Variants in CADM2 observed in about 807,000 individuals in gnomAD.
CADM2 encodes cell adhesion molecule 2, also known as immunoglobulin superfamily member 4D.
A neutral mutation model predicts 49.8 loss-of-function variants in CADM2; 12 were observed. The observed-to-expected ratio is 0.24, with a 90% CI of 0.15 to 0.39. The LOEUF (loss-of-function observed/expected upper bound fraction) is 0.39, where lower values mean the gene tolerates loss of function less well. Among genes scored for constraint, CADM2 ranks in the 10% least tolerant of loss-of-function variants. The pLI is 1.00. For synonymous variants in CADM2, 214 were observed against 175.4 expected (o/e 1.22, Z -1.74); for missense variants, 378 against 492.3 (o/e 0.77, Z 2.20).
intron 8 of CADM2, among the ~76,000 whole-genome samples, chr3:86,024,685 T>C (rs2325005): frequency 0.7 from 106,117 of 151,988 alleles, 38,713 homozygotes; most frequent in African/African-American, 0.92. Context: ...TATCACATTG[T>C]GGGCCTTTGG....
At chr3:85,489,681 G>A (rs1223740793) in intron 1 of CADM2, among the ~76,000 whole-genome samples, 9 of 130,384 alleles carry the variant, frequency 6.9e-5, no homozygotes, top group East Asian at 4.4e-4. Flanking sequence ...CAAACAAAAC[G>A]AAACAAAAAA....
intron 1 of CADM2, among the ~76,000 whole-genome samples, chr3:85,059,480 AT>A (rs915276267): frequency 1.1e-4 from 16 of 152,154 alleles, no homozygotes; most frequent in Non-Finnish European, 2.9e-5. Flanking sequence ...AGACAAGTAA[AT>A]CAAAGAAAAT....
chr3:85,280,955 A>T (rs2043484533), intron 1 of CADM2, among the ~76,000 whole-genome samples: 1 of 151,926 alleles, frequency 6.6e-6, no homozygotes, highest in South Asian at 2.1e-4. Context: ...GCAAGAAAGA[A>T]AATGATACGT....
intron 2 of CADM2, among the ~76,000 whole-genome samples, chr3:85,743,288 C>CA (rs922375468): frequency 2.8e-4 from 43 of 152,156 alleles, no homozygotes; most frequent in African/African-American, 7.5e-4. Context: ...GTTGGATTTA[C>CA]AAAAAAGCAC....
chr3:85,688,564 CTT>C (rs71112107), intron 1 of CADM2, among the ~76,000 whole-genome samples: 6 of 135,516 alleles, frequency 4.4e-5, no homozygotes, highest in Non-Finnish European at 4.6e-5. Context: ...TTTATTTATT[CTT>C]TTTTTTTTTT....
intron 2 of CADM2, among the ~76,000 whole-genome samples, chr3:85,736,459 T>C (rs2068141611): frequency 6.6e-6 from 1 of 152,090 alleles, no homozygotes; most frequent in South Asian, 2.1e-4. Flanking sequence ...CTAGTGAGCA[T>C]TAACTGGGCA....
intron 1 of CADM2, among the ~76,000 whole-genome samples, chr3:84,993,525 A>G (rs1208633922): frequency 2.0e-5 from 3 of 152,154 alleles, no homozygotes; most frequent in African/African-American, 7.2e-5. Flanking sequence ...TAAAGAGTAA[A>G]TCTTGAGCAA....
intron 1 of CADM2, among the ~76,000 whole-genome samples, chr3:85,561,930 G>T (rs1319665816): frequency 6.6e-6 from 1 of 152,078 alleles, no homozygotes; most frequent in East Asian, 1.9e-4. Flanking sequence ...AAATAAGCAA[G>T]AAAGAATAAA....
intron 8 of CADM2, among the ~76,000 whole-genome samples, chr3:85,975,734 A>G (rs1726693886): frequency 6.6e-6 from 1 of 151,632 alleles, no homozygotes; most frequent in Non-Finnish European, 1.5e-5. Context: ...GGTTAAATTA[A>G]TACACTCTCC....
At chr3:85,556,283 T>A (rs1363931836) in intron 1 of CADM2, among the ~76,000 whole-genome samples, 1 of 152,104 alleles carries the variant, frequency 6.6e-6, no homozygotes. Flanking sequence ...ATCCTATTCT[T>A]CATCCTTGTC....
chr3:85,371,429 C>T, intron 1 of CADM2, among the ~76,000 whole-genome samples: 1 of 151,816 alleles, frequency 6.6e-6, no homozygotes, highest in Non-Finnish European at 1.5e-5. Flanking sequence ...GCAGTCAGTG[C>T]AATAACATTC....
At chr3:85,100,509 T>A (rs2037972332) in intron 1 of CADM2, among the ~76,000 whole-genome samples, 1 of 152,196 alleles carries the variant, frequency 6.6e-6, no homozygotes, top group Non-Finnish European at 1.5e-5. Flanking sequence ...TGTGGTAGAT[T>A]AGAAAGTTGA....
At chr3:85,324,790 T>C (rs1318062240) in intron 1 of CADM2, among the ~76,000 whole-genome samples, 1 of 152,198 alleles carries the variant, frequency 6.6e-6, no homozygotes, top group Non-Finnish European at 1.5e-5. Flanking sequence ...AACCACATCG[T>C]GTGGGTATCT....
chr3:85,846,878 AATATAAGATTTTG>A lies in CADM2; in HGVS notation c.239-36412_239-36400del, dbSNP rs978126013. 5.9e-5 allele frequency among the ~76,000 whole-genome samples: 9 copies of A among 152,228 alleles called. No individual in the cohort carries two copies. In the East Asian group the frequency reaches 1.7e-3, roughly 30 times the overall value. ...TACCATGTCTAAATAAATAAATTAAAATATAAGATTTTGCGTCTATTTTTTCCTTTGGCCATTG... is the reference window on the plus strand; with the variant it reads ...TACCATGTCTAAATAAATAAATTAAACGTCTATTTTTTCCTTTGGCCATTG... On this transcript the variant is annotated intron_variant, in intron 3 of 9. Transcript: ENST00000383699.
intron 1 of CADM2, among the ~76,000 whole-genome samples, chr3:85,521,994 T>C (rs888221163): frequency 2.2e-4 from 33 of 152,246 alleles, no homozygotes; most frequent in African/African-American, 7.9e-4. Context: ...TTCACAGGTC[T>C]CTGAGGGAAT....
chr3:85,002,624 C>T (rs925718004), intron 1 of CADM2, among the ~76,000 whole-genome samples: 4 of 152,186 alleles, frequency 2.6e-5, no homozygotes, highest in Non-Finnish European at 5.9e-5. Context: ...TCAGCCTAGG[C>T]TTTCTAACAA....
At chr3:85,199,370 T>TGTGAGAGAGAGAGAGAGAGAGAGA (rs1553694531) in intron 1 of CADM2, among the ~76,000 whole-genome samples, 3 of 140,106 alleles carry the variant, frequency 2.1e-5, no homozygotes, top group African/African-American at 8.5e-5. Context: ...TGTGTGTGTA[T>TGTGAGAGAGAGAGAGAGAGAGAGA]GAGAGAGAGA....
intron 1 of CADM2, among the ~76,000 whole-genome samples, chr3:85,321,924 C>G (rs1424402610): frequency 6.6e-6 from 1 of 152,134 alleles, no homozygotes; most frequent in African/African-American, 2.4e-5. Context: ...ATAATGCATG[C>G]ATCCTAAATA....
chr3:85,352,923 C>T (rs1303066829), intron 1 of CADM2, among the ~76,000 whole-genome samples: 1 of 152,022 alleles, frequency 6.6e-6, no homozygotes, highest in East Asian at 1.9e-4. Context: ...CTAAGCTTTA[C>T]AGAGAGATTT....
Sources: allele counts gnomAD v4.1 joint callset (sites outside exome capture counted in the v4.1 genomes callset), GRCh38; gene constraint gnomAD v4.1.1; transcripts MANE v1.5; gene names NCBI Gene and HGNC (gene_info 2026-07-23, HGNC 2026-07-21).